Variants in PGR observed in about 807,000 individuals in gnomAD.
PGR encodes the protein nuclear receptor subfamily 3 group C member 3.
In PGR, 25 loss-of-function variants were observed where a neutral mutation model predicts 76.1. That is an observed-to-expected ratio of 0.33 (90% CI 0.24 to 0.46). PGR has a LOEUF of 0.46. PGR is among the 20% of genes least tolerant of loss of function. The pLI is 1.00. For synonymous variants in PGR, 579 were observed against 535.0 expected (o/e 1.08, Z -1.14); for missense variants, 1,172 against 1,225.3 (o/e 0.96, Z 0.65).
rs1433285604 is a variant in PGR, at chr11:101,127,794, G to A, written c.1277C>T (p.Pro426Leu). The change falls in exon 1 of 8, where the codon CCG (proline) becomes CTG (leucine). Residue 426 changes from proline (P) to leucine (L), a missense_variant. Pro to Leu is a moderately conservative substitution (Grantham distance 98). This residue lies in a region of PGR where 893 missense variants were observed against 785.9 expected (regional missense o/e 1.14). Coordinates refer to ENST00000325455, the MANE Select transcript of PGR (RefSeq NM_000926.4). ...GGGTCTGGATGGGGTCGCTCGCGGC[G>A]GCAGCGGGGGCGGTGGCCCCAACGG... ...DFPLGPPPPL[P>L]PRATPSRPGE... is the part of the protein sequence containing the mutation. 2 of 1,564,938 alleles carry A rather than the reference G, an allele frequency of 1.3e-6. No individual in the cohort carries two copies. Among genetic ancestry groups the A allele is most frequent in the African/African-American group, 1.3e-5 (1 of 74,380 alleles).
chr11:101,117,051 T>C (rs532209715), intron 2 of PGR, among the ~76,000 whole-genome samples: 1 of 152,324 alleles, frequency 6.6e-6, no homozygotes, highest in East Asian at 1.9e-4. Flanking sequence ...TTATAAATAA[T>C]GTAATACTGC....
chr11:101,120,132 G>A (rs1214840567), intron 2 of PGR, among the ~76,000 whole-genome samples: 1 of 152,052 alleles, frequency 6.6e-6, no homozygotes, highest in Non-Finnish European at 1.5e-5. Flanking sequence ...TGAATACTAC[G>A]GTGTGTTGGC....
chr11:101,049,135 A>G (rs538831822), intron 6 of PGR, among the ~76,000 whole-genome samples: 1 of 150,032 alleles, frequency 6.7e-6, no homozygotes, highest in South Asian at 2.1e-4. Flanking sequence ...ACTAATACCC[A>G]AAACACACAT....
intron 1 of PGR, 26 bp downstream of exon 1, chr11:101,127,407 TG>T: frequency 6.7e-7 from 1 of 1,501,458 alleles, no homozygotes; most frequent in South Asian, 1.2e-5. Context: ...CCGGACGCGC[TG>T]GGCGTGCCCC....
intron 6 of PGR, among the ~76,000 whole-genome samples, chr11:101,046,690 C>T (rs930568543): frequency 5.3e-5 from 8 of 151,972 alleles, no homozygotes; most frequent in African/African-American, 9.7e-5. Context: ...TTACATTTAA[C>T]TCAATTATCT....
chr11:101,087,023 C>A, intron 3 of PGR, among the ~76,000 whole-genome samples: 1 of 152,114 alleles, frequency 6.6e-6, no homozygotes, highest in East Asian at 1.9e-4. Context: ...AAGCAATTTA[C>A]AGATTCAATG....
chr11:101,040,627 A>C (rs1476414738), intron 7 of PGR, among the ~76,000 whole-genome samples: 1 of 152,010 alleles, frequency 6.6e-6, no homozygotes, highest in African/African-American at 2.4e-5. Flanking sequence ...CATCATTCTG[A>C]ATCCTGATAA....
In PGR at chr11:101,101,661, C is replaced by T. The variant is rs539095166; in HGVS notation, c.1790-9785G>A. ...CTTCCACCAAAACAACATATTGGAA[C>T]AGATTGACTGTAGATCCAGATATGA... On this transcript the variant is annotated intron_variant, in intron 2 of 7. Transcript: ENST00000325455. 1.2e-3 allele frequency among the ~76,000 whole-genome samples: 189 copies of T among 152,262 alleles called. 1 individual carries two copies. Among genetic ancestry groups the T allele is most frequent in the Admixed American group, 0.011 (170 of 15,288 alleles).
chr11:101,065,744 G>A (rs562019827), intron 3 of PGR, among the ~76,000 whole-genome samples: 4 of 152,222 alleles, frequency 2.6e-5, no homozygotes, highest in African/African-American at 9.6e-5. Flanking sequence ...GAGCTTTGTT[G>A]GCTGGAAGGA....
chr11:101,068,647 A>C (rs949541399), intron 3 of PGR, among the ~76,000 whole-genome samples: 2 of 152,184 alleles, frequency 1.3e-5, no homozygotes, highest in South Asian at 4.1e-4. Context: ...CTAAAACAGC[A>C]TGGTACTGGT....
At chr11:101,042,190 T>C in intron 6 of PGR, 88 bp from the exon 7 acceptor site, 1 of 1,341,840 alleles carries the variant, frequency 7.5e-7, no homozygotes, top group Non-Finnish European at 1.0e-6. Flanking sequence ...TATATAATGA[T>C]TTCTTCTGAT....
intron 7 of PGR, 86 bp from the exon 8 acceptor site, chr11:101,039,357 C>G: frequency 1.0e-6 from 1 of 997,818 alleles, no homozygotes. Context: ...ATTTTTCTAA[C>G]TATTTATAAT....
rs899596412 is a variant in PGR at position 101,032,016 on chromosome 11, T to A, written c.*7100A>T. ...GATATAGGTGGAGTGGTACAGATTG[T>A]TTGGACAGATAGAATTCTGGGACTT... On this transcript the variant is annotated 3_prime_UTR_variant, in exon 8 of 8. Coordinates refer to ENST00000325455, the MANE Select transcript of PGR (RefSeq NM_000926.4). 8.2e-5 allele frequency: 19 copies of A among 232,736 alleles called. No individual in the cohort carries two copies. The highest frequency in any genetic ancestry group is 4.2e-4 in the African/African-American group (19 of 45,426). The allele number at this position is 232,736 out of a possible 1,614,324, so 14.4% of individuals were successfully genotyped here.
chr11:101,084,001 A>G (rs1235235122), intron 3 of PGR, among the ~76,000 whole-genome samples: 2 of 152,144 alleles, frequency 1.3e-5, no homozygotes, highest in African/African-American at 2.4e-5. Flanking sequence ...CCCCATCCAA[A>G]TCTCACGTTG....
intron 2 of PGR, among the ~76,000 whole-genome samples, chr11:101,096,102 C>T (rs544162853): frequency 3.8e-4 from 58 of 152,170 alleles, no homozygotes; most frequent in African/African-American, 1.3e-3. Context: ...AGTTACCAAA[C>T]AGAATGCAAT....
chr11:101,052,269 C>CTGTGTGTGTGTGTG (rs55925008), intron 4 of PGR, among the ~76,000 whole-genome samples: 2 of 141,944 alleles, frequency 1.4e-5, no homozygotes, highest in Non-Finnish European at 3.0e-5. Flanking sequence ...GATTTAGAAT[C>CTGTGTGTGTGTGTG]TGTGTGTGTG....
intron 2 of PGR, among the ~76,000 whole-genome samples, chr11:101,117,852 C>T (rs116162659): frequency 0.02 from 3,065 of 152,248 alleles, 82 homozygotes; most frequent in African/African-American, 0.057. Context: ...ACTTCTGAGT[C>T]TTTGCTTACA....
At chr11:101,047,947 G>C (rs1240805562) in intron 6 of PGR, among the ~76,000 whole-genome samples, 1 of 152,100 alleles carries the variant, frequency 6.6e-6, no homozygotes, top group African/African-American at 2.4e-5. Context: ...TCTTTCTTCT[G>C]GGCCTATAGC....
rs756832474 is a variant in PGR, at chr11:101,128,362, G to T, written c.709C>A (p.Leu237Met). ...SESEESAGPL[L>M]KGKPRALGGA... ...CCCAGAGCCCGAGGTTTGCCCTTCA[G>T]AAGCGGACCCGCAGACTCCTCGGAC... The change falls in exon 1 of 8, where the codon CTG (leucine) becomes ATG (methionine). Residue 237 changes from leucine (L) to methionine (M), a missense_variant. Transcript: ENST00000325455. 8.1e-6 allele frequency: 13 copies of T among 1,605,540 alleles called. No homozygotes were observed. In the East Asian group the frequency reaches 2.9e-4, roughly 36 times the overall value.
Sources: allele counts gnomAD v4.1 joint callset (sites outside exome capture counted in the v4.1 genomes callset), GRCh38; gene constraint gnomAD v4.1.1; regional missense constraint gnomAD v4.1.1; transcripts MANE v1.5; gene names NCBI Gene and HGNC (gene_info 2026-07-23, HGNC 2026-07-21).